TCEA3: variants seen among roughly 807,000 people sequenced by gnomAD.
TCEA3 encodes the protein transcription elongation factor A protein 3.
A neutral mutation model predicts 44.0 loss-of-function variants in TCEA3; 36 were observed. The observed-to-expected ratio is 0.82, with a 90% CI of 0.63 to 1.08. The LOEUF (loss-of-function observed/expected upper bound fraction) is 1.08, where lower values mean the gene tolerates loss of function less well. Ranked by LOEUF, TCEA3 falls within the 50% of genes least tolerant of loss-of-function variation. The pLI is 0.00. For missense variants in TCEA3, 392 were observed against 441.2 expected, an observed-to-expected ratio of 0.89 and a Z score of 1.00; for synonymous variants, 162 against 159.7, an observed-to-expected ratio of 1.01 and a Z score of -0.11.
intron 4 of TCEA3, among the ~76,000 whole-genome samples, chr1:23,415,414 C>T (rs1465147887): frequency 6.6e-6 from 1 of 152,216 alleles, no homozygotes; most frequent in Non-Finnish European, 1.5e-5. Context: ...TGGATGCCTA[C>T]ACTCCCCATG....
At chr1:23,402,001 G>A (rs2148564477) in intron 5 of TCEA3, among the ~76,000 whole-genome samples, 1 of 152,300 alleles carries the variant, frequency 6.6e-6, no homozygotes, top group East Asian at 1.9e-4. Flanking sequence ...GTGCCAAAAA[G>A]GTTGGGGACT....
chr1:23,402,397 G>A (rs369565863), intron 5 of TCEA3, among the ~76,000 whole-genome samples: 2 of 152,242 alleles, frequency 1.3e-5, no homozygotes, highest in Admixed American at 6.5e-5. Flanking sequence ...GCCCCTGCAC[G>A]TCCTGCCCCT....
intron 10 of TCEA3, chr1:23,383,772 G>A (rs1333180972): frequency 2.0e-6 from 2 of 985,680 alleles, no homozygotes; most frequent in African/African-American, 3.5e-5. Context: ...GAGCACTCTG[G>A]GAGGAGTCTT....
intron 9 of TCEA3, among the ~76,000 whole-genome samples, chr1:23,385,894 T>C (rs1431767988): frequency 6.6e-6 from 1 of 150,776 alleles, no homozygotes; most frequent in Non-Finnish European, 1.5e-5. Flanking sequence ...CCTCTGACAT[T>C]GGCCTCCTTT....
chr1:23,413,986 G>GGA (rs1553168869), intron 4 of TCEA3, among the ~76,000 whole-genome samples: 1 of 141,044 alleles, frequency 7.1e-6, no homozygotes, highest in East Asian at 2.0e-4. Context: ...CTAGCAGGAT[G>GGA]TATATATATA....
chr1:23,407,775 C>T (rs865876799), intron 5 of TCEA3, among the ~76,000 whole-genome samples: 15 of 152,080 alleles, frequency 9.9e-5, no homozygotes, highest in Middle Eastern at 6.8e-3. Flanking sequence ...ATGTCTGTAT[C>T]CCTGGCACCT....
chr1:23,395,230 T>C (rs1417289448), intron 7 of TCEA3, among the ~76,000 whole-genome samples: 1 of 152,264 alleles, frequency 6.6e-6, no homozygotes, highest in African/African-American at 2.4e-5. Flanking sequence ...CCACTTGGGA[T>C]TCCTGGGGTG....
rs75130539 is a variant in TCEA3, at chr1:23,397,526, C to T, written c.664+19G>A. On this transcript the variant is annotated intron_variant, in intron 7 of 10. Transcript: ENST00000450454. ...TAGACGGTGCAGACACCCACAGCCCCGGCACAGTTCAAGGATATGATCTTC... is the reference window on the plus strand; with the variant it reads ...TAGACGGTGCAGACACCCACAGCCCTGGCACAGTTCAAGGATATGATCTTC... 5,897 of 1,612,386 alleles carry T rather than the reference C, an allele frequency of 3.7e-3. 185 individuals carry two copies. The African/African-American group carries it at 0.064, about 18-fold the overall frequency.
intron 4 of TCEA3, among the ~76,000 whole-genome samples, chr1:23,415,773 G>T (rs1049465959): frequency 1.3e-5 from 2 of 152,204 alleles, no homozygotes; most frequent in Non-Finnish European, 2.9e-5. Context: ...GTTTTTCCAA[G>T]TAGGATACAC....
intron 4 of TCEA3, among the ~76,000 whole-genome samples, chr1:23,416,401 A>G (rs989341811): frequency 6.6e-6 from 1 of 152,186 alleles, no homozygotes; most frequent in African/African-American, 2.4e-5. Context: ...GTACAGGATC[A>G]TTGTGAAAAA....
rs1313398988 is a variant in TCEA3, at chr1:23,381,495, C to G, written c.1039-21G>C. 3.8e-6 allele frequency: 3 copies of G among 780,606 alleles called. No individual in the cohort carries two copies. In the African/African-American group the frequency reaches 5.1e-5, roughly 13 times the overall value. 48.4% of individuals were successfully genotyped at this position (780,606 alleles called of 1,614,324 possible). A position where few individuals can be genotyped will look rare whatever the true frequency, so the allele number is the denominator to read the frequency against. On this transcript the variant is annotated intron_variant, in intron 10 of 10. Transcript: ENST00000450454. ...CAGAACTACAAAACCAGAAAGGCAA[C>G]AAAATTTGAAAGGTTTCTCGGCATC...
intron 2 of TCEA3, 24 bp from the exon 3 acceptor site, chr1:23,418,033 A>G (rs1570292319): frequency 6.2e-7 from 1 of 1,609,806 alleles, no homozygotes. Context: ...GGGTTAAGGC[A>G]TAATCTGGGA....
chr1:23,403,419 A>G (rs924082263), intron 5 of TCEA3: 2 of 152,214 alleles, frequency 1.3e-5, no homozygotes, highest in African/African-American at 4.8e-5. Flanking sequence ...GGGCAGATGA[A>G]AGCAACTAAG....
intron 5 of TCEA3, among the ~76,000 whole-genome samples, chr1:23,405,873 T>G (rs997223716): frequency 6.6e-6 from 1 of 152,218 alleles, no homozygotes; most frequent in African/African-American, 2.4e-5. Flanking sequence ...GTGTTTCATC[T>G]GGGGATAGGA....
At chr1:23,404,310 C>T in intron 5 of TCEA3, 1 of 645,634 alleles carries the variant, frequency 1.5e-6, no homozygotes, top group South Asian at 1.7e-5. Flanking sequence ...CACTTCCACA[C>T]CTTTGGGTGT....
At chr1:23,394,171 C>T in intron 7 of TCEA3, 138 bp from the exon 8 acceptor site, 2 of 1,018,806 alleles carry the variant, frequency 2.0e-6, no homozygotes, top group East Asian at 2.6e-5. Context: ...CTTTTGTGAC[C>T]TCTGACTCTC....
At chr1:23,397,153 A>G (rs1364069095) in intron 7 of TCEA3, among the ~76,000 whole-genome samples, 1 of 152,160 alleles carries the variant, frequency 6.6e-6, no homozygotes, top group East Asian at 1.9e-4. Context: ...TACACAGCCT[A>G]GCTGGCACAG....
Position 23,391,413 on chromosome 1 carries a change from C to T in TCEA3, c.819+2466G>A, listed in dbSNP as rs182703418. 8.6e-5 allele frequency among the ~76,000 whole-genome samples: 13 copies of T among 151,546 alleles called. No homozygotes were observed. The East Asian group carries it at 1.6e-3, about 18-fold the overall frequency. The stretch of plus-strand genomic sequence containing the variant: ...TCACGTGGCCTGTTGAAATCCTAAC[C>T]CCAAGGCAATGGTTATTAGGGGGTC... On this transcript the variant is annotated intron_variant, in intron 8 of 10. Transcript: ENST00000450454.
At chr1:23,393,307 C>T (rs1639117086) in intron 8 of TCEA3, among the ~76,000 whole-genome samples, 1 of 152,096 alleles carries the variant, frequency 6.6e-6, no homozygotes, top group African/African-American at 2.4e-5. Context: ...CCAACAGGTA[C>T]CAGCTGGTGG....
Sources: allele counts gnomAD v4.1 joint callset (sites outside exome capture counted in the v4.1 genomes callset), GRCh38; gene constraint gnomAD v4.1.1; transcripts MANE v1.5; gene names NCBI Gene and HGNC (gene_info 2026-07-23, HGNC 2026-07-21).